The following SLIT2 variants were observed in gnomAD, a reference collection of about 807,000 sequenced individuals.
SLIT2 encodes slit guidance ligand 2.
SLIT2 carries 41 observed loss-of-function variants against 185.7 expected under a neutral mutation model. The observed-to-expected ratio is 0.22, with a 90% CI of 0.17 to 0.29. SLIT2 has a LOEUF of 0.29. Among genes scored for constraint, SLIT2 ranks in the 10% least tolerant of loss-of-function variants. The pLI is 1.00. For synonymous variants in SLIT2, 693 were observed against 680.2 expected (o/e 1.02, Z -0.29); for missense variants, 1,571 against 1,909.0 (o/e 0.82, Z 3.30).
At chr4:20,566,809 A>T (rs1436371771) in intron 26 of SLIT2, among the ~76,000 whole-genome samples, 1 of 152,008 alleles carries the variant, frequency 6.6e-6, no homozygotes, top group African/African-American at 2.4e-5. Context: ...TGTATTGTGT[A>T]TTTAATTACA....
chr4:20,346,105 A>G (rs1392540466), intron 4 of SLIT2, among the ~76,000 whole-genome samples: 3 of 152,026 alleles, frequency 2.0e-5, no homozygotes, highest in African/African-American at 7.2e-5. Flanking sequence ...CAATTCTCCC[A>G]TCTCGGCCTC....
At chr4:20,410,250 T>C (rs183558489) in intron 4 of SLIT2, among the ~76,000 whole-genome samples, 46 of 130,904 alleles carry the variant, frequency 3.5e-4, no homozygotes, top group East Asian at 2.1e-3. Flanking sequence ...TTTCTTTTTT[T>C]TTTTTTTTTT....
chr4:20,355,422 A>C (rs1292064972), intron 4 of SLIT2, among the ~76,000 whole-genome samples: 1 of 152,310 alleles, frequency 6.6e-6, no homozygotes, highest in African/African-American at 2.4e-5. Flanking sequence ...GAGAAAAAAA[A>C]CATGTTTAAT....
chr4:20,419,710 T>TGTGTGTGTGTGTG (rs1553898834), intron 4 of SLIT2, among the ~76,000 whole-genome samples: 11 of 146,470 alleles, frequency 7.5e-5, no homozygotes, highest in African/African-American at 2.0e-4. Flanking sequence ...TGTGTGTGTG[T>TGTGTGTGTGTGTG]TGCAAAAATA....
At chr4:20,268,505 C>T (rs888208525) in intron 3 of SLIT2, among the ~76,000 whole-genome samples, 2 of 151,826 alleles carry the variant, frequency 1.3e-5, no homozygotes, top group Admixed American at 6.6e-5. Flanking sequence ...CTACCTTAGG[C>T]GCCTAAGACT....
intron 34 of SLIT2, chr4:20,615,476 C>G (rs2148987902): frequency 6.6e-6 from 1 of 152,314 alleles, no homozygotes; most frequent in Non-Finnish European, 1.5e-5. Context: ...GCCTGTAAAG[C>G]TGCCTTTGAG....
At chr4:20,282,833 T>G in intron 4 of SLIT2, among the ~76,000 whole-genome samples, 1 of 152,238 alleles carries the variant, frequency 6.6e-6, no homozygotes, top group East Asian at 1.9e-4. Flanking sequence ...AGTTACTTTT[T>G]ATTACTTCTG....
chr4:20,303,414 A>G (rs934212726), intron 4 of SLIT2, among the ~76,000 whole-genome samples: 5 of 151,910 alleles, frequency 3.3e-5, no homozygotes, highest in Non-Finnish European at 7.4e-5. Flanking sequence ...ATTTCATTTT[A>G]GAGAAGCTCT....
intron 3 of SLIT2, among the ~76,000 whole-genome samples, chr4:20,266,290 C>T (rs1340791440): frequency 6.6e-6 from 1 of 151,832 alleles, no homozygotes; most frequent in African/African-American, 2.4e-5. Context: ...GCAGCTGTTA[C>T]TCACTTATAT....
intron 6 of SLIT2, 112 bp from the exon 7 acceptor site, chr4:20,486,088 C>G (rs10019416): frequency 1.5e-6 from 1 of 679,794 alleles, no homozygotes; most frequent in Non-Finnish European, 2.7e-6. Context: ...TCATCTCTAC[C>G]AGGTAGCTGT....
At chr4:20,475,515 A>G (rs1347054516) in intron 5 of SLIT2, among the ~76,000 whole-genome samples, 1 of 152,014 alleles carries the variant, frequency 6.6e-6, no homozygotes. Context: ...TTATGGCAAT[A>G]CATACATCTA....
Position 20,529,896 on chromosome 4 carries a change from TTGTC to T in SLIT2, c.1613+801_1613+804del, listed in dbSNP as rs541488811. Among the ~76,000 whole-genome samples, 459 of 152,308 alleles carry T rather than the reference TTGTC, an allele frequency of 3.0e-3. 1 individual carries two copies. Among genetic ancestry groups the T allele is most frequent in the African/African-American group, 0.01 (435 of 41,576 alleles). ...GTCATTTACTGCTTTGCAAAGTTCG[TTGTC>T]TGTTTGTTTGTATATAATCCTTCCA... On this transcript the variant is annotated intron_variant, in intron 16 of 36. Coordinates refer to ENST00000504154, the MANE Select transcript of SLIT2 (RefSeq NM_004787.4).
chr4:20,567,512 C>T lies in SLIT2; in HGVS notation c.2851-6C>T. The stretch of plus-strand genomic sequence containing the variant: ...CACTCGACTATACTTGCCCCTTCTT[C>T]TCCAGGGGCAGGACTGTGATGTCCC... On this transcript the variant is annotated splice_region_variant and splice_polypyrimidine_tract_variant and intron_variant, in intron 27 of 36. Transcript: ENST00000504154. 1 of 1,611,922 alleles carries T rather than the reference C, an allele frequency of 6.2e-7. No homozygotes were observed. Among genetic ancestry groups the T allele is most frequent in the Non-Finnish European group, 8.5e-7 (1 of 1,178,282 alleles).
At chr4:20,465,538 A>G (rs1714241214) in intron 4 of SLIT2, among the ~76,000 whole-genome samples, 1 of 152,162 alleles carries the variant, frequency 6.6e-6, no homozygotes, top group African/African-American at 2.4e-5. Context: ...GGAGCCATCT[A>G]CTCAGGGGAC....
intron 4 of SLIT2, among the ~76,000 whole-genome samples, chr4:20,384,677 G>A (rs1724796268): frequency 6.6e-6 from 1 of 152,200 alleles, no homozygotes; most frequent in East Asian, 1.9e-4. Flanking sequence ...GAAAGGAACC[G>A]TTGAAAGATA....
chr4:20,281,109 A>G (rs1246419481), intron 4 of SLIT2, among the ~76,000 whole-genome samples: 1 of 152,188 alleles, frequency 6.6e-6, no homozygotes, highest in African/African-American at 2.4e-5. Flanking sequence ...CTGGGATTAC[A>G]GGCGTGAGCC....
At position 20,541,396 on chromosome 4, in the gene SLIT2, G is replaced by T. The variant is rs189622093; in HGVS notation, c.1977-57G>T. On this transcript the variant is annotated intron_variant, in intron 19 of 36. Transcript: ENST00000504154. The stretch of plus-strand genomic sequence containing the variant: ...TGGAGAAGGGTAGCTGGGGTTTAGA[G>T]AAGGAAGAAGATGAAACCCCAGGCT... The T allele has an allele frequency of 2.0e-6, 3 of 1,502,024 alleles. No homozygotes were observed. The African/African-American group carries it at 4.1e-5, about 21-fold the overall frequency. 93.0% of individuals were successfully genotyped at this position (1,502,024 alleles called of 1,614,324 possible).
chr4:20,436,604 G>A (rs952988591), intron 4 of SLIT2, among the ~76,000 whole-genome samples: 1 of 152,184 alleles, frequency 6.6e-6, no homozygotes, highest in Non-Finnish European at 1.5e-5. Flanking sequence ...CACGTATTTA[G>A]ATTGAGGTCT....
chr4:20,323,906 T>C (rs926198640), intron 4 of SLIT2, among the ~76,000 whole-genome samples: 31 of 152,234 alleles, frequency 2.0e-4, no homozygotes, highest in Admixed American at 2.6e-4. Context: ...TTATTTGATG[T>C]ATACCTAAAA....
Sources: gnomAD v4.1 joint callset for allele counts (sites outside exome capture counted in the v4.1 genomes callset) on GRCh38, gnomAD v4.1.1 for gene constraint, MANE v1.5 for transcripts, NCBI Gene and HGNC (gene_info 2026-07-23, HGNC 2026-07-21) for gene names.